Variants in ITPR1 observed in about 807,000 individuals in gnomAD.
The protein encoded by ITPR1 is inositol 1,4,5-trisphosphate receptor type 1.
In ITPR1, 96 loss-of-function variants were observed where a neutral mutation model predicts 318.4. That is an observed-to-expected ratio of 0.30 (90% CI 0.26 to 0.36). The LOEUF (loss-of-function observed/expected upper bound fraction) is 0.36, where lower values mean the gene tolerates loss of function less well. Among genes scored for constraint, ITPR1 ranks in the 10% least tolerant of loss-of-function variants. The probability of loss-of-function intolerance (pLI) is 1.00; values close to 1 mark genes in which losing one functional copy is unlikely to be tolerated. For missense variants in ITPR1, 2,440 were observed against 3,460.2 expected, an observed-to-expected ratio of 0.71 and a Z score of 7.40; for synonymous variants, 1,312 against 1,289.9, an observed-to-expected ratio of 1.02 and a Z score of -0.37.
Position 4,717,355 on chromosome 3 carries a change from T to G in ITPR1, c.5104-12T>G, listed in dbSNP as rs778450258. Reference sequence around the variant, plus strand: ...ATTTCCTTCTCTCTCTCTCCCCTTTTTTCTTTTCCAGCTAATTTCCATTGA... The same window carrying G: ...ATTTCCTTCTCTCTCTCTCCCCTTTGTTCTTTTCCAGCTAATTTCCATTGA... On this transcript the variant is annotated splice_polypyrimidine_tract_variant and intron_variant, in intron 39 of 61. Coordinates refer to ENST00000649015, the MANE Select transcript of ITPR1 (RefSeq NM_001378452.1). 17 of 1,592,332 alleles carry G rather than the reference T, an allele frequency of 1.1e-5. No individual in the cohort carries two copies. The highest frequency in any genetic ancestry group is 1.4e-5 in the Non-Finnish European group (16 of 1,173,504).
chr3:4,662,580 A>C (rs1190622126), intron 15 of ITPR1, among the ~76,000 whole-genome samples: 1 of 152,114 alleles, frequency 6.6e-6, no homozygotes, highest in Non-Finnish European at 1.5e-5. Flanking sequence ...AAAATTAGCC[A>C]GGCATGATGG....
intron 54 of ITPR1, among the ~76,000 whole-genome samples, chr3:4,804,325 G>C (rs772448290): frequency 3.9e-5 from 6 of 152,220 alleles, no homozygotes; most frequent in Non-Finnish European, 5.9e-5. Flanking sequence ...TGGTGAGCAG[G>C]GTGCGCTGGG....
intron 4 of ITPR1, among the ~76,000 whole-genome samples, chr3:4,567,929 A>G (rs571522782): frequency 5.7e-4 from 87 of 152,260 alleles, no homozygotes; most frequent in Non-Finnish European, 1.0e-3. Flanking sequence ...AAGGTGTGAG[A>G]GGTTCAATGA....
intron 60 of ITPR1, among the ~76,000 whole-genome samples, chr3:4,833,490 C>T (rs1421950423): frequency 2.6e-5 from 4 of 152,200 alleles, no homozygotes; most frequent in Admixed American, 2.6e-4. Context: ...ACATTTTAGG[C>T]AGTTTAGATT....
intron 33 of ITPR1, among the ~76,000 whole-genome samples, chr3:4,696,256 T>G (rs7614083): frequency 0.025 from 3,735 of 152,296 alleles, 145 homozygotes; most frequent in African/African-American, 0.084. Flanking sequence ...CCATGCCCAT[T>G]AGCAGTCACT....
In ITPR1 at chr3:4,717,491, C is replaced by G. The variant is rs1422331478; in HGVS notation, c.5136+92C>G. The G allele has an allele frequency of 2.9e-6, 3 of 1,022,264 alleles. No individual in the cohort carries two copies. The East Asian group carries it at 7.1e-5, about 24-fold the overall frequency. 63.3% of individuals were successfully genotyped at this position (1,022,264 alleles called of 1,614,324 possible). A position where few individuals can be genotyped will look rare whatever the true frequency, so the allele number is the denominator to read the frequency against. On this transcript the variant is annotated intron_variant, in intron 40 of 61. Transcript: ENST00000649015. ...AGCCCTGTGATCCTTCCTCTAGTCT[C>G]ACAGCGTCGAGTATCTGGCTTTGTG...
chr3:4,685,857 G>A (rs1283736481), intron 30 of ITPR1, among the ~76,000 whole-genome samples: 1 of 152,194 alleles, frequency 6.6e-6, no homozygotes, highest in Non-Finnish European at 1.5e-5. Context: ...ACCCACTCGG[G>A]TATTTGTGTT....
chr3:4,586,120 G>A (rs1190560684), intron 4 of ITPR1, among the ~76,000 whole-genome samples: 1 of 152,176 alleles, frequency 6.6e-6, no homozygotes, highest in Non-Finnish European at 1.5e-5. Context: ...TGGCTGCATA[G>A]TATTCCATGG....
At chr3:4,668,259 C>T (rs149465149) in intron 18 of ITPR1, among the ~76,000 whole-genome samples, 1 of 150,906 alleles carries the variant, frequency 6.6e-6, no homozygotes, top group East Asian at 1.9e-4. Context: ...CCACCTCCCC[C>T]CTGCCCTCCC....
intron 4 of ITPR1, among the ~76,000 whole-genome samples, chr3:4,606,886 C>G (rs57342612): frequency 0.37 from 55,759 of 151,954 alleles, 14,258 homozygotes; most frequent in African/African-American, 0.71. Flanking sequence ...GGGAAAGGCA[C>G]AGAAGAGTGC....
chr3:4,777,417 T>G (rs1238712685), intron 48 of ITPR1, 43 bp downstream of exon 48: 1 of 1,279,774 alleles, frequency 7.8e-7, no homozygotes. Context: ...TTGGAAACAG[T>G]CACTTTTGTG....
At chr3:4,654,311 A>C (rs17041113) in intron 12 of ITPR1, among the ~76,000 whole-genome samples, 17,176 of 152,178 alleles carry the variant, frequency 0.11, 2,354 homozygotes, top group African/African-American at 0.32. Flanking sequence ...GAGGCTATGG[A>C]GGTAACACAT....
At chr3:4,759,737 T>C (rs2045298177) in intron 44 of ITPR1, among the ~76,000 whole-genome samples, 1 of 152,220 alleles carries the variant, frequency 6.6e-6, no homozygotes, top group Non-Finnish European at 1.5e-5. Flanking sequence ...GAGGAGCACG[T>C]TACCCTGCTG....
At chr3:4,621,319 A>T (rs900666583) in intron 4 of ITPR1, among the ~76,000 whole-genome samples, 1 of 152,186 alleles carries the variant, frequency 6.6e-6, no homozygotes, top group African/African-American at 2.4e-5. Flanking sequence ...ACTCATGACA[A>T]GAGCAAGAGA....
chr3:4,600,180 AT>A (rs1228840025), intron 4 of ITPR1, among the ~76,000 whole-genome samples: 1 of 152,144 alleles, frequency 6.6e-6, no homozygotes, highest in Non-Finnish European at 1.5e-5. Flanking sequence ...TTTTTTAAAA[AT>A]TTTACCTCTG....
At chr3:4,718,615 GT>G (rs2041934840) in intron 40 of ITPR1, among the ~76,000 whole-genome samples, 1 of 152,192 alleles carries the variant, frequency 6.6e-6, no homozygotes, top group African/African-American at 2.4e-5. Context: ...GGACAAACAC[GT>G]GGCTGGCTTT....
chr3:4,503,060 G>A lies in ITPR1; in HGVS notation c.-17+8554G>A, dbSNP rs939681667. On this transcript the variant is annotated intron_variant, in intron 2 of 61. Transcript: ENST00000649015. ...AGATCGCACCACTGCACTCCAGCCT[G>A]GGGGGCAGAGTGAGACTCCATCTCA... Among the ~76,000 whole-genome samples, 3 of 130,530 alleles carry A rather than the reference G, an allele frequency of 2.3e-5. No individual in the cohort carries two copies. The South Asian group carries it at 6.7e-4, about 29-fold the overall frequency. The allele number at this position is 130,530 out of a possible 152,430, so 85.6% of individuals were successfully genotyped here.
intron 60 of ITPR1, among the ~76,000 whole-genome samples, chr3:4,833,291 T>C (rs1432617075): frequency 6.6e-6 from 1 of 152,212 alleles, no homozygotes; most frequent in African/African-American, 2.4e-5. Flanking sequence ...CTATTAGGAA[T>C]GAGGGAGAGA....
chr3:4,743,686 C>G lies in ITPR1; in HGVS notation c.5544+8332C>G, dbSNP rs540737090. On this transcript the variant is annotated intron_variant, in intron 44 of 61. Transcript: ENST00000649015. Reference sequence around the variant, plus strand: ...AGCCAACAATATGGGCAGAAGTGGACAGTTACATACATCTGCTTGTCTGGC... The same window carrying G: ...AGCCAACAATATGGGCAGAAGTGGAGAGTTACATACATCTGCTTGTCTGGC... 2.6e-5 allele frequency among the ~76,000 whole-genome samples: 4 copies of G among 152,234 alleles called. No individual in the cohort carries two copies. The East Asian group carries it at 7.7e-4, about 29-fold the overall frequency.
Sources: allele counts gnomAD v4.1 joint callset (sites outside exome capture counted in the v4.1 genomes callset), GRCh38; gene constraint gnomAD v4.1.1; transcripts MANE v1.5; gene names NCBI Gene and HGNC (gene_info 2026-07-23, HGNC 2026-07-21).